The following NLRP3 variants were observed in gnomAD, a reference collection of about 807,000 sequenced individuals.
NLRP3 encodes NACHT, LRR and PYD domains-containing protein 3.
A neutral mutation model predicts 91.3 loss-of-function variants in NLRP3; 48 were observed. The observed-to-expected ratio is 0.53, with a 90% CI of 0.42 to 0.67. The LOEUF is 0.67. Ranked by LOEUF, NLRP3 falls within the 30% of genes least tolerant of loss-of-function variation. The pLI is 0.00. For missense variants in NLRP3, 982 were observed against 1,276.9 expected (o/e 0.77, Z 3.52); for synonymous variants, 561 against 507.9 (o/e 1.10, Z -1.41).
intron 2 of NLRP3, among the ~76,000 whole-genome samples, chr1:247,421,440 G>C (rs1662450384): frequency 6.6e-6 from 1 of 152,164 alleles, no homozygotes; most frequent in South Asian, 2.1e-4. Flanking sequence ...GAGCAACATA[G>C]GGAGACCTCA....
intron 7 of NLRP3, among the ~76,000 whole-genome samples, chr1:247,438,704 T>C (rs770605772): frequency 2.6e-5 from 4 of 152,214 alleles, no homozygotes; most frequent in Non-Finnish European, 5.9e-5. Flanking sequence ...TTTGTTGTTG[T>C]TGTTACTAAA....
Position 247,444,050 on chromosome 1 carries a change from C to G in NLRP3, c.2742C>G (p.His914Gln). 2 of 1,614,170 alleles carry G rather than the reference C, an allele frequency of 1.2e-6. No homozygotes were observed. Among genetic ancestry groups the G allele is most frequent in the South Asian group, 2.2e-5 (2 of 91,076 alleles). The change falls in exon 8 of 10, where the codon CAC becomes CAG. Residue 914 changes from histidine (H) to glutamine (Q), a missense_variant. Coordinates refer to ENST00000336119, the MANE Select transcript of NLRP3 (RefSeq NM_001243133.2). ...SVLSTNQNLT[H>Q]LYLRGNTLGD... ...TCAGCACTAATCAGAATCTCACGCA[C>G]CTTTACCTGCGAGGCAACACTCTCG...
intron 3 of NLRP3, 57 bp downstream of exon 3, chr1:247,423,406 T>C: frequency 6.2e-7 from 1 of 1,607,828 alleles, no homozygotes; most frequent in Non-Finnish European, 8.5e-7. Flanking sequence ...CAGGAGGCTC[T>C]GGGAAGCTGA....
intron 2 of NLRP3, among the ~76,000 whole-genome samples, chr1:247,422,515 A>G (rs1457552406): frequency 6.6e-6 from 1 of 152,152 alleles, no homozygotes; most frequent in Non-Finnish European, 1.5e-5. Context: ...TTCTTAAGAT[A>G]TGCTATCTAG....
chr1:247,416,825 A>G (rs1438675040), intron 1 of NLRP3, among the ~76,000 whole-genome samples: 1 of 152,200 alleles, frequency 6.6e-6, no homozygotes, highest in Non-Finnish European at 1.5e-5. Flanking sequence ...AGTGAGTCTG[A>G]GGCATCTTGA....
chr1:247,423,906 A>G lies in NLRP3; in HGVS notation c.457A>G (p.Asn153Asp). Reference protein sequence around the residue: ...RSRFQCIEDRNARLGESVSLN... With the variant: ...RSRFQCIEDRDARLGESVSLN... ...CAGATTCCAGTGCATTGAAGACAGG[A>G]ATGCCCGTCTGGGTGAGAGTGTGAG... The change falls in exon 4 of 10, where the codon AAT (asparagine) becomes GAT (aspartate). Residue 153 changes from asparagine (N) to aspartate (D), a missense_variant. Transcript: ENST00000336119. 1 of 1,614,016 alleles carries G rather than the reference A, an allele frequency of 6.2e-7. No homozygotes were observed. The highest frequency in any genetic ancestry group is 8.5e-7 in the Non-Finnish European group (1 of 1,179,958).
chr1:247,429,581 C>T lies in NLRP3; in HGVS notation c.2151-4C>T. 2 of 1,614,112 alleles carry T rather than the reference C, an allele frequency of 1.2e-6. No homozygotes were observed. The highest frequency in any genetic ancestry group is 1.7e-6 in the Non-Finnish European group (2 of 1,179,978). The stretch of plus-strand genomic sequence containing the variant: ...TTTCTGTCTGTCTTCCTTCTAATTC[C>T]TAGATTGGTGAACAGCCACCTCACT... On this transcript the variant is annotated splice_region_variant and splice_polypyrimidine_tract_variant and intron_variant, in intron 4 of 9. Transcript: ENST00000336119.
intron 6 of NLRP3, among the ~76,000 whole-genome samples, chr1:247,435,041 C>T (rs1318485271): frequency 1.3e-5 from 2 of 152,224 alleles, no homozygotes; most frequent in Non-Finnish European, 2.9e-5. Context: ...CACTGGAGGT[C>T]GGGAGTTCGA....
intron 2 of NLRP3, among the ~76,000 whole-genome samples, chr1:247,420,574 G>C (rs151215251): frequency 6.6e-6 from 1 of 152,044 alleles, no homozygotes; most frequent in Non-Finnish European, 1.5e-5. Flanking sequence ...AAAATTAGCC[G>C]GGTGTGGTGG....
chr1:247,440,546 T>C (rs562482506), intron 7 of NLRP3, among the ~76,000 whole-genome samples: 31 of 152,344 alleles, frequency 2.0e-4, no homozygotes, highest in Non-Finnish European at 4.0e-4. Flanking sequence ...TACTGCCCTC[T>C]CTCCTGCCAT....
chr1:247,419,164 A>ATATATATATATTTTT lies in NLRP3; in HGVS notation c.277+88_277+89insATATATATATTTTTT, dbSNP rs1491303088. 2.3e-5 allele frequency: 16 copies of ATATATATATATTTTT among 693,380 alleles called. No homozygotes were observed. In the African/African-American group the frequency reaches 4.6e-4, roughly 20 times the overall value. 43.0% of individuals were successfully genotyped at this position (693,380 alleles called of 1,614,324 possible). A position where few individuals can be genotyped will look rare whatever the true frequency, so the allele number is the denominator to read the frequency against. ...CATCTTTATATATATATATATATATATTTTTTTTTGAGACGGAGTTGCTCT... is the reference window on the plus strand; with the variant it reads ...CATCTTTATATATATATATATATATATATATATATATTTTTTTTTTTTTTGAGACGGAGTTGCTCT... On this transcript the variant is annotated intron_variant, in intron 2 of 9. Transcript: ENST00000336119.
At position 247,426,726 on chromosome 1, in the gene NLRP3, G is replaced by A. The variant is rs947954138; in HGVS notation, c.2150+1127G>A. Reference sequence around the variant, plus strand: ...CAGTCCGGAAACAAGTGCAGATGTCGGGGAGGGGGTCATGGGCTCTGACAA... The same window carrying A: ...CAGTCCGGAAACAAGTGCAGATGTCAGGGAGGGGGTCATGGGCTCTGACAA... On this transcript the variant is annotated intron_variant, in intron 4 of 9. Coordinates refer to ENST00000336119, the MANE Select transcript of NLRP3 (RefSeq NM_001243133.2). Among the ~76,000 whole-genome samples, 9 of 152,304 alleles carry A rather than the reference G, an allele frequency of 5.9e-5. No individual in the cohort carries two copies. In the South Asian group the frequency reaches 1.2e-3, roughly 21 times the overall value.
chr1:247,430,013 T>G (rs897040493), intron 5 of NLRP3, among the ~76,000 whole-genome samples: 1 of 152,128 alleles, frequency 6.6e-6, no homozygotes, highest in African/African-American at 2.4e-5. Flanking sequence ...TAGCTGGGAT[T>G]ACAGGCACCC....
At chr1:247,431,789 C>T (rs1044765519) in intron 5 of NLRP3, among the ~76,000 whole-genome samples, 1 of 152,204 alleles carries the variant, frequency 6.6e-6, no homozygotes, top group Non-Finnish European at 1.5e-5. Context: ...GTCTGCTCTG[C>T]TCTTTATTTT....
At chr1:247,417,169 T>C (rs1343038414) in intron 1 of NLRP3, among the ~76,000 whole-genome samples, 1 of 152,224 alleles carries the variant, frequency 6.6e-6, no homozygotes, top group African/African-American at 2.4e-5. Flanking sequence ...TTTTGTTGTC[T>C]TTGTCTTTGT....
rs115561347 is a variant in NLRP3, at chr1:247,447,131, G to A, written c.3006-1274G>A. 4.2e-3 allele frequency among the ~76,000 whole-genome samples: 636 copies of A among 152,320 alleles called. 3 individuals are homozygous for A. Among genetic ancestry groups the A allele is most frequent in the African/African-American group, 0.014 (574 of 41,580 alleles). ...CTGCGATAACAAGCTGCTTTAGACT[G>A]TGTGACTCAAACACAGATTTATTAT... On this transcript the variant is annotated intron_variant, in intron 9 of 9. Coordinates refer to ENST00000336119, the MANE Select transcript of NLRP3 (RefSeq NM_001243133.2).
intron 9 of NLRP3, among the ~76,000 whole-genome samples, chr1:247,447,091 A>G (rs1401280288): frequency 6.6e-6 from 1 of 152,186 alleles, no homozygotes; most frequent in Non-Finnish European, 1.5e-5. Context: ...AATGCAATCA[A>G]CCCGTTTTCT....
chr1:247,422,250 G>A (rs1332188872), intron 2 of NLRP3, among the ~76,000 whole-genome samples: 6 of 151,834 alleles, frequency 4.0e-5, no homozygotes, highest in East Asian at 1.9e-4. Flanking sequence ...GTGGTGGCAC[G>A]TGTCAATAGT....
In NLRP3 at chr1:247,448,648, A is replaced by G. The variant is rs1232935686; in HGVS notation, c.*144A>G. 10 of 703,330 alleles carry G rather than the reference A, an allele frequency of 1.4e-5. No homozygotes were observed. The highest frequency in any genetic ancestry group is 1.8e-5 in the African/African-American group (1 of 56,418). The allele number at this position is 703,330 out of a possible 1,614,324, so 43.6% of individuals were successfully genotyped here. A position where few individuals can be genotyped will look rare whatever the true frequency, so the allele number is the denominator to read the frequency against. On this transcript the variant is annotated 3_prime_UTR_variant, in exon 10 of 10. Coordinates refer to ENST00000336119, the MANE Select transcript of NLRP3 (RefSeq NM_001243133.2). ...GAGTGTCGGAGAAGAGAGCTTGCCG[A>G]CGATGCCTTCCTGTGCAGAGCTTGG...
Sources: allele counts gnomAD v4.1 joint callset (sites outside exome capture counted in the v4.1 genomes callset), GRCh38; gene constraint gnomAD v4.1.1; transcripts MANE v1.5; gene names NCBI Gene and HGNC (gene_info 2026-07-23, HGNC 2026-07-21).